Variants in WWP1 observed in about 807,000 individuals in gnomAD.
WWP1 encodes WW domain containing E3 ubiquitin protein ligase 1.
Under a neutral mutation model 130.6 loss-of-function variants are expected in WWP1, and 49 were observed. The observed-to-expected ratio is 0.38, with a 90% CI of 0.30 to 0.48. WWP1 has a LOEUF of 0.48. Among genes scored for constraint, WWP1 ranks in the 20% least tolerant of loss-of-function variants. WWP1 has a pLI of 0.99. For missense variants in WWP1, 809 were observed against 1,100.6 expected, an observed-to-expected ratio of 0.74 and a Z score of 3.75; for synonymous variants, 332 against 367.8, an observed-to-expected ratio of 0.90 and a Z score of 1.11.
intron 17 of WWP1, among the ~76,000 whole-genome samples, chr8:86,441,785 T>C (rs886619125): frequency 5.3e-5 from 8 of 152,230 alleles, no homozygotes; most frequent in African/African-American, 1.9e-4. Context: ...AAGCAGAGAA[T>C]GTGAGCCCCA....
chr8:86,464,176 C>A (rs1811913425), intron 24 of WWP1, among the ~76,000 whole-genome samples: 1 of 152,148 alleles, frequency 6.6e-6, no homozygotes, highest in Non-Finnish European at 1.5e-5. Flanking sequence ...ATTCCCTTGT[C>A]AAATTTAGTA....
intron 5 of WWP1, among the ~76,000 whole-genome samples, chr8:86,391,887 G>A (rs537967630): frequency 1.2e-3 from 179 of 152,208 alleles, no homozygotes; most frequent in Non-Finnish European, 1.9e-3. Flanking sequence ...TGTCTTTCAG[G>A]CCCTTGAGAA....
At chr8:86,398,152 T>C (rs533258256) in intron 5 of WWP1, among the ~76,000 whole-genome samples, 190 bp from the exon 6 acceptor site, 1 of 152,230 alleles carries the variant, frequency 6.6e-6, no homozygotes, top group South Asian at 2.1e-4. Flanking sequence ...ACAGAAGCAA[T>C]TAAAGGTGAT....
intron 5 of WWP1, among the ~76,000 whole-genome samples, chr8:86,396,201 C>T (rs1807653546): frequency 6.6e-6 from 1 of 151,968 alleles, no homozygotes; most frequent in South Asian, 2.1e-4. Context: ...CGAATTCAAG[C>T]AATTCTCCTG....
chr8:86,393,885 T>C (rs1266467835), intron 5 of WWP1, among the ~76,000 whole-genome samples: 1 of 152,206 alleles, frequency 6.6e-6, no homozygotes, highest in Non-Finnish European at 1.5e-5. Context: ...GTGTACAAAC[T>C]CTGAGACTTA....
At chr8:86,448,581 C>T (rs113070596) in intron 20 of WWP1, 68 bp downstream of exon 20, 3 of 1,429,016 alleles carry the variant, frequency 2.1e-6, no homozygotes, top group Non-Finnish European at 2.8e-6. Context: ...TCTCTGTACC[C>T]TTAATTTCAT....
At chr8:86,390,256 G>A (rs970630145) in intron 5 of WWP1, among the ~76,000 whole-genome samples, 2 of 149,634 alleles carry the variant, frequency 1.3e-5, no homozygotes, top group Non-Finnish European at 3.0e-5. Flanking sequence ...GACGACGGGC[G>A]GCCAGGCAGA....
chr8:86,386,404 T>G (rs1229968577), intron 5 of WWP1, among the ~76,000 whole-genome samples: 1 of 151,554 alleles, frequency 6.6e-6, no homozygotes, highest in Non-Finnish European at 1.5e-5. Context: ...TGAGTACACA[T>G]TTTATCATTT....
intron 1 of WWP1, among the ~76,000 whole-genome samples, chr8:86,353,926 A>G (rs1221535835): frequency 6.6e-6 from 1 of 152,228 alleles, no homozygotes; most frequent in Non-Finnish European, 1.5e-5. Context: ...GAACGTATAT[A>G]TTATACTTGG....
At chr8:86,357,912 C>G in intron 1 of WWP1, among the ~76,000 whole-genome samples, 1 of 152,128 alleles carries the variant, frequency 6.6e-6, no homozygotes, top group East Asian at 1.9e-4. Flanking sequence ...TGGGCTTTCA[C>G]GGCTTGGTGT....
At chr8:86,377,531 T>C (rs547654824) in intron 3 of WWP1, among the ~76,000 whole-genome samples, 11 of 152,208 alleles carry the variant, frequency 7.2e-5, no homozygotes, top group Non-Finnish European at 1.6e-4. Context: ...GCATATTTAC[T>C]CTTATCCTCA....
At chr8:86,450,982 T>G (rs575362711) in intron 20 of WWP1, among the ~76,000 whole-genome samples, 195 of 151,696 alleles carry the variant, frequency 1.3e-3, no homozygotes, top group African/African-American at 4.6e-3. Flanking sequence ...GAGGCCGAGG[T>G]GGGTGGATCA....
At chr8:86,465,168 G>A (rs1811985927) in intron 24 of WWP1, among the ~76,000 whole-genome samples, 1 of 152,140 alleles carries the variant, frequency 6.6e-6, no homozygotes, top group Non-Finnish European at 1.5e-5. Context: ...AAATTGGATT[G>A]CTCACTTGGA....
intron 14 of WWP1, among the ~76,000 whole-genome samples, chr8:86,433,881 G>A (rs957876578): frequency 6.6e-6 from 1 of 151,700 alleles, no homozygotes; most frequent in Non-Finnish European, 1.5e-5. Flanking sequence ...TTGCACCATT[G>A]CACTCCAGCC....
At chr8:86,379,223 A>T (rs1824845043) in intron 3 of WWP1, among the ~76,000 whole-genome samples, 1 of 152,190 alleles carries the variant, frequency 6.6e-6, no homozygotes, top group Non-Finnish European at 1.5e-5. Flanking sequence ...CTGAACTTAG[A>T]GCAGTTTGGA....
intron 9 of WWP1, among the ~76,000 whole-genome samples, chr8:86,421,503 T>TGG (rs202068395): frequency 1.4e-5 from 1 of 71,326 alleles, no homozygotes. Flanking sequence ...GGGTTCTTTT[T>TGG]TGGGGGGGTT....
At chr8:86,350,569 A>C (rs1170395416) in intron 1 of WWP1, among the ~76,000 whole-genome samples, 2 of 152,192 alleles carry the variant, frequency 1.3e-5, no homozygotes, top group Non-Finnish European at 2.9e-5. Flanking sequence ...CATGATTTAT[A>C]GAAATAGGAA....
At chr8:86,409,216 CT>C (rs1808443057) in intron 8 of WWP1, among the ~76,000 whole-genome samples, 3 of 127,266 alleles carry the variant, frequency 2.4e-5, no homozygotes, top group Admixed American at 7.7e-5. Flanking sequence ...TATTCTTTTT[CT>C]TTTTCTTTCT....
intron 8 of WWP1, 99 bp from the exon 9 acceptor site, chr8:86,411,439 T>C (rs1808577980): frequency 7.3e-6 from 7 of 959,716 alleles, no homozygotes; most frequent in Non-Finnish European, 1.1e-5. Flanking sequence ...TGTAGTTGCT[T>C]AGTCTGGATT....
Sources: gnomAD v4.1 joint callset for allele counts (sites outside exome capture counted in the v4.1 genomes callset) on GRCh38, gnomAD v4.1.1 for gene constraint, MANE v1.5 for transcripts, NCBI Gene and HGNC (gene_info 2026-07-23, HGNC 2026-07-21) for gene names.